Variants in GADL1 observed in about 807,000 individuals in gnomAD.
GADL1 encodes the protein GAD like acidic amino acid decarboxylase 1.
In GADL1, 71 loss-of-function variants were observed where a neutral mutation model predicts 69.5. That is an observed-to-expected ratio of 1.02 (90% CI 0.84 to 1.25). GADL1 has a LOEUF of 1.25. Ranked by LOEUF, GADL1 falls within the 50% of genes most tolerant of loss-of-function variation. GADL1 has a pLI of 0.00. For missense variants in GADL1, 737 were observed against 631.8 expected (o/e 1.17, Z -1.79); for synonymous variants, 254 against 214.4 (o/e 1.18, Z -1.62).
intron 1 of GADL1, among the ~76,000 whole-genome samples, chr3:30,870,913 A>G (rs1698470345): frequency 6.6e-6 from 1 of 151,728 alleles, no homozygotes; most frequent in South Asian, 2.1e-4. Flanking sequence ...AAGTTAGACA[A>G]ATGTGTGGCT....
intron 11 of GADL1, among the ~76,000 whole-genome samples, chr3:30,827,206 G>C (rs989222087): frequency 5.3e-5 from 8 of 150,608 alleles, no homozygotes; most frequent in African/African-American, 1.5e-4. Flanking sequence ...CTGAGGCTTG[G>C]GTTTTATACT....
In GADL1 at chr3:30,726,568, A is replaced by G. The variant is rs908931964; in HGVS notation, c.*1674T>C. ...GAGACAGATTTAATATTCTTTGACC[A>G]ATAGAGATACCGAGAAACTGTGCAC... On this transcript the variant is annotated 3_prime_UTR_variant, in exon 15 of 15. Coordinates refer to ENST00000282538, the MANE Select transcript of GADL1 (RefSeq NM_207359.3). 6.6e-6 allele frequency: 1 copy of G among 152,108 alleles called. No individual in the cohort carries two copies. The highest frequency in any genetic ancestry group is 2.4e-5 in the African/African-American group (1 of 41,430). 9.4% of individuals were successfully genotyped at this position (152,108 alleles called of 1,614,324 possible). A position where few individuals can be genotyped will look rare whatever the true frequency, so the allele number is the denominator to read the frequency against.
chr3:30,878,759 T>C lies in GADL1; in HGVS notation c.37+15819A>G, dbSNP rs545858666. Among the ~76,000 whole-genome samples, 7 of 152,056 alleles carry C rather than the reference T, an allele frequency of 4.6e-5. No individual in the cohort carries two copies. In the East Asian group the frequency reaches 1.4e-3, roughly 30 times the overall value. ...AAGCGTATTGTGGTGCTATCATTTT[T>C]ATGACACTAGGGTATATAGAGAAAA... On this transcript the variant is annotated intron_variant, in intron 1 of 14. Transcript: ENST00000282538.
chr3:30,784,027 GAA>G (rs1276948544), intron 13 of GADL1, among the ~76,000 whole-genome samples: 1 of 152,020 alleles, frequency 6.6e-6, no homozygotes, highest in African/African-American at 2.4e-5. Context: ...CTCAAATTGA[GAA>G]AATAGAGGAA....
intron 14 of GADL1, among the ~76,000 whole-genome samples, chr3:30,750,756 TG>T (rs1695797449): frequency 2.0e-5 from 3 of 152,170 alleles, no homozygotes; most frequent in Non-Finnish European, 4.4e-5. Context: ...CGGCTTCATA[TG>T]GATTTCAATT....
In GADL1 at chr3:30,773,968, C is replaced by G. The variant is rs1696477855; in HGVS notation, c.1392+4211G>C. ...TGTCAATTTGATTAGTGAAAGATAT[C>G]CAGTACCCAATTTCCAGTGTTTCCT... On this transcript the variant is annotated intron_variant, in intron 14 of 14. Transcript: ENST00000282538. 2.6e-5 allele frequency among the ~76,000 whole-genome samples: 4 copies of G among 152,204 alleles called. No individual in the cohort carries two copies. The South Asian group carries it at 8.3e-4, about 32-fold the overall frequency.
At chr3:30,814,516 A>C (rs750344146) in intron 11 of GADL1, among the ~76,000 whole-genome samples, 9 of 152,218 alleles carry the variant, frequency 5.9e-5, no homozygotes, top group Non-Finnish European at 1.0e-4. Flanking sequence ...GTAGCATGAA[A>C]GCTGCCATAG....
chr3:30,807,394 C>T (rs72849827), intron 11 of GADL1, among the ~76,000 whole-genome samples: 9,044 of 152,122 alleles, frequency 0.059, 641 homozygotes, highest in African/African-American at 0.16. Flanking sequence ...GCTGAGTTGA[C>T]GAAAATATTA....
At chr3:30,827,907 T>C (rs886459909) in intron 11 of GADL1, among the ~76,000 whole-genome samples, 19 of 151,862 alleles carry the variant, frequency 1.3e-4, no homozygotes, top group African/African-American at 4.6e-4. Flanking sequence ...AGTCAAATGC[T>C]TCTCTTTTCT....
intron 14 of GADL1, among the ~76,000 whole-genome samples, chr3:30,736,358 T>C (rs1284338635): frequency 1.3e-5 from 2 of 152,162 alleles, no homozygotes; most frequent in African/African-American, 2.4e-5. Context: ...CTGGGAATCA[T>C]ATTTCTCTTC....
chr3:30,780,148 T>G (rs963320029), intron 13 of GADL1, among the ~76,000 whole-genome samples: 16 of 152,202 alleles, frequency 1.1e-4, no homozygotes, highest in African/African-American at 3.9e-4. Flanking sequence ...AGGAGAGAGA[T>G]GCCAGCTAGG....
intron 14 of GADL1, among the ~76,000 whole-genome samples, chr3:30,754,348 T>C (rs750853883): frequency 7.6e-5 from 11 of 144,218 alleles, no homozygotes; most frequent in South Asian, 6.9e-4. Flanking sequence ...TATCAAGTAA[T>C]ATCTTAGCTT....
intron 13 of GADL1, among the ~76,000 whole-genome samples, 163 bp from the exon 14 acceptor site, chr3:30,778,431 C>T (rs1696588512): frequency 6.6e-6 from 1 of 152,108 alleles, no homozygotes. Context: ...TTCTTGATAA[C>T]ATCCTATTTA....
chr3:30,841,906 C>G (rs1407246279), intron 8 of GADL1, among the ~76,000 whole-genome samples: 2 of 152,172 alleles, frequency 1.3e-5, no homozygotes, highest in Non-Finnish European at 2.9e-5. Context: ...CATTGAGTCT[C>G]AAGATCTAAC....
intron 14 of GADL1, among the ~76,000 whole-genome samples, chr3:30,739,786 T>G (rs1695590594): frequency 6.6e-6 from 1 of 152,194 alleles, no homozygotes. Context: ...GTATTATTCA[T>G]AAAAATATTG....
At chr3:30,845,476 C>T (rs1329058656) in intron 6 of GADL1, among the ~76,000 whole-genome samples, 1 of 152,168 alleles carries the variant, frequency 6.6e-6, no homozygotes, top group East Asian at 1.9e-4. Context: ...CTTCACACTT[C>T]ACTTGATATA....
At chr3:30,841,762 A>G (rs1697969516) in intron 8 of GADL1, among the ~76,000 whole-genome samples, 1 of 152,146 alleles carries the variant, frequency 6.6e-6, no homozygotes, top group Non-Finnish European at 1.5e-5. Context: ...AGTGGAGGGT[A>G]TTGTGATGGA....
intron 13 of GADL1, among the ~76,000 whole-genome samples, chr3:30,784,001 A>C (rs899915721): frequency 6.6e-6 from 1 of 152,228 alleles, no homozygotes; most frequent in Admixed American, 6.5e-5. Context: ...TCCCAACACC[A>C]GAGAAAATAA....
intron 14 of GADL1, among the ~76,000 whole-genome samples, chr3:30,760,820 T>A (rs189803732): frequency 1.3e-5 from 2 of 152,166 alleles, no homozygotes; most frequent in East Asian, 1.9e-4. Context: ...GGCAGGGTGA[T>A]GATGGGCAGC....
Sources: allele counts gnomAD v4.1 joint callset (sites outside exome capture counted in the v4.1 genomes callset), GRCh38; gene constraint gnomAD v4.1.1; transcripts MANE v1.5; gene names NCBI Gene and HGNC (gene_info 2026-07-23, HGNC 2026-07-21).